The following IYD variants were observed in gnomAD, a reference collection of about 807,000 sequenced individuals.
IYD encodes iodotyrosine deiodinase 1.
In IYD, 25 loss-of-function variants were observed where a neutral mutation model predicts 28.4. The ratio of observed to expected loss-of-function variants is 0.88; its 90% CI spans 0.64 to 1.23. The LOEUF is 1.23. Ranked by LOEUF, IYD falls within the 50% of genes most tolerant of loss-of-function variation. The pLI is 0.00. For missense variants in IYD, 352 were observed against 357.9 expected (o/e 0.98, Z 0.13); for synonymous variants, 140 against 130.8 (o/e 1.07, Z -0.48).
At position 150,369,138 on chromosome 6, in the gene IYD, C is replaced by G. The variant is rs768765467; in HGVS notation, c.107C>G (p.Thr36Ser). 27 of 1,613,806 alleles carry G rather than the reference C, an allele frequency of 1.7e-5. No homozygotes were observed. The Middle Eastern group carries it at 6.6e-4, about 39-fold the overall frequency. Reference protein sequence around the residue: ...SMEKKKGEPRTRAEARPWVDE... With the variant: ...SMEKKKGEPRSRAEARPWVDE... ...GAGAAAAAGAAGGGGGAGCCTAGAA[C>G]CAGGGCCGAAGCTCGCCCCTGGGTG... is the stretch of plus-strand genomic sequence containing the variant. Residue 36 changes from threonine to serine, a missense_variant, in exon 1 of 5, where the codon ACC becomes AGC. Transcript: ENST00000344419.
At chr6:150,379,391 A>C (rs985936402) in intron 1 of IYD, among the ~76,000 whole-genome samples, 4 of 152,176 alleles carry the variant, frequency 2.6e-5, no homozygotes, top group Non-Finnish European at 2.9e-5. Context: ...TTGTCTGCTA[A>C]ATATACTTGA....
chr6:150,392,332 G>A lies in IYD; in HGVS notation c.371-13G>A. 2 of 1,612,658 alleles carry A rather than the reference G, an allele frequency of 1.2e-6. No individual in the cohort carries two copies. The highest frequency in any genetic ancestry group is 1.1e-5 in the South Asian group (1 of 91,000). On this transcript the variant is annotated splice_polypyrimidine_tract_variant and intron_variant, in intron 2 of 4. Coordinates refer to ENST00000344419, the MANE Select transcript of IYD (RefSeq NM_203395.3). ...GCAGTTTTAATTTCTGATTTTAATG[G>A]AATGGGTGACAGGAACAGCCCCGAG...
chr6:150,396,499 C>T (rs566407973), intron 4 of IYD: 169 of 698,956 alleles, frequency 2.4e-4, no homozygotes, highest in Non-Finnish European at 4.1e-4. Context: ...ATACAAAATT[C>T]AGTATGGAGT....
intron 1 of IYD, among the ~76,000 whole-genome samples, chr6:150,381,842 T>C (rs932192508): frequency 5.9e-5 from 9 of 152,244 alleles, no homozygotes; most frequent in African/African-American, 2.2e-4. Context: ...CACTATTGTA[T>C]AGTATTCTGT....
chr6:150,400,599 G>T lies in IYD; in HGVS notation c.*2362G>T, dbSNP rs1314728775. On this transcript the variant is annotated 3_prime_UTR_variant, in exon 5 of 5. Transcript: ENST00000344419. ...TGTGTATCATTCTACAAAAAAATAG[G>T]CCTGGACTATTTAAGGAGTGAGTGT... The T allele has an allele frequency of 6.6e-6, 1 of 152,096 alleles. No individual in the cohort carries two copies. Among genetic ancestry groups the T allele is most frequent in the Admixed American group, 6.6e-5 (1 of 15,264 alleles). The allele number at this position is 152,096 out of a possible 1,614,324, so 9.4% of individuals were successfully genotyped here. A position where few individuals can be genotyped will look rare whatever the true frequency, so the allele number is the denominator to read the frequency against.
intron 1 of IYD, among the ~76,000 whole-genome samples, chr6:150,387,280 G>C (rs1777901194): frequency 6.6e-6 from 1 of 151,902 alleles, no homozygotes; most frequent in South Asian, 2.1e-4. Context: ...ATTAAAAATA[G>C]TCAGGTGCAA....
At chr6:150,387,968 G>A (rs1330850264) in intron 1 of IYD, among the ~76,000 whole-genome samples, 1 of 151,816 alleles carries the variant, frequency 6.6e-6, no homozygotes, top group Non-Finnish European at 1.5e-5. Flanking sequence ...TCCAGTATTT[G>A]GAGTCTTTGG....
chr6:150,392,415 C>T lies in IYD; in HGVS notation c.441C>T (p.His147=). Residue 147 remains histidine (H), a synonymous_variant, in exon 3 of 5, where the codon CAC becomes CAT. Transcript: ENST00000344419. ...TTGTGAAGGACCCAGACGTGAAGCA[C>T]AAGATTCGAAAGATCATTGAGGAGG... ...FVVVKDPDVK[H]KIRKIIEEEE... 1.9e-6 allele frequency: 3 copies of T among 1,613,880 alleles called. No homozygotes were observed. Among genetic ancestry groups the T allele is most frequent in the Non-Finnish European group, 8.5e-7 (1 of 1,179,842 alleles).
Position 150,399,903 on chromosome 6 carries a change from T to C in IYD, c.*1666T>C, listed in dbSNP as rs1449423596. 1 of 152,178 alleles carries C rather than the reference T, an allele frequency of 6.6e-6. No homozygotes were observed. The highest frequency in any genetic ancestry group is 3.1e-3 in the Middle Eastern group (1 of 322). The allele number at this position is 152,178 out of a possible 1,614,324, so 9.4% of individuals were successfully genotyped here. A position where few individuals can be genotyped will look rare whatever the true frequency, so the allele number is the denominator to read the frequency against. ...AGGACCCCCTCCTAATACCATCACA[T>C]TGGGGGTTAGGGTTTCAACATATGA... is the stretch of plus-strand genomic sequence containing the variant. On this transcript the variant is annotated 3_prime_UTR_variant, in exon 5 of 5. Transcript: ENST00000344419.
rs1470566722 is a variant in IYD at position 150,405,293 on chromosome 6, G to C, written c.*7056G>C. ...ACTCTTACTCCCAGCTGCTTTCTCT[G>C]TCCCTCCACTTAGATGTTAGTAGGC... On this transcript the variant is annotated 3_prime_UTR_variant, in exon 5 of 5. Transcript: ENST00000344419. 6.6e-6 allele frequency: 1 copy of C among 152,128 alleles called. No individual in the cohort carries two copies. The highest frequency in any genetic ancestry group is 2.4e-5 in the African/African-American group (1 of 41,366). 9.4% of individuals were successfully genotyped at this position (152,128 alleles called of 1,614,324 possible).
At chr6:150,381,046 G>A (rs1777629436) in intron 1 of IYD, among the ~76,000 whole-genome samples, 1 of 152,258 alleles carries the variant, frequency 6.6e-6, no homozygotes, top group East Asian at 1.9e-4. Context: ...CCTGGTGAGG[G>A]GATGTGAGCA....
intron 1 of IYD, chr6:150,384,961 G>A (rs1340971334): frequency 6.6e-6 from 1 of 152,006 alleles, no homozygotes; most frequent in African/African-American, 2.4e-5. Context: ...TTTCTCCTCA[G>A]TTTTGGCATT....
intron 2 of IYD, 72 bp downstream of exon 2, chr6:150,389,615 G>A (rs1778035435): frequency 7.5e-7 from 1 of 1,342,176 alleles, no homozygotes; most frequent in South Asian, 1.2e-5. Context: ...ATGGAAAAAT[G>A]TCAAAGTTTA....
chr6:150,398,097 G>T lies in IYD; in HGVS notation c.730G>T (p.Gly244Cys). 1 of 1,614,152 alleles carries T rather than the reference G, an allele frequency of 6.2e-7. No individual in the cohort carries two copies. Among genetic ancestry groups the T allele is most frequent in the South Asian group, 1.1e-5 (1 of 91,074 alleles). The change falls in exon 5 of 5, where the codon GGC becomes TGC. Residue 244 changes from glycine (G) to cysteine (C), a missense_variant. Physicochemically the swap from Gly to Cys is radical, Grantham distance 159 (BLOSUM62 -3). Transcript: ENST00000344419. The part of the protein sequence containing the change: ...VTVTTTPLNC[G>C]PRLRVLLGRP... Reference sequence around the variant, plus strand: ...TGTCACTACCACTCCTCTCAACTGTGGCCCTCGACTGAGGGTGCTCCTGGG... The same window carrying T: ...TGTCACTACCACTCCTCTCAACTGTTGCCCTCGACTGAGGGTGCTCCTGGG...
chr6:150,371,416 A>T (rs189148423), intron 1 of IYD, among the ~76,000 whole-genome samples: 1 of 152,304 alleles, frequency 6.6e-6, no homozygotes, highest in Non-Finnish European at 1.5e-5. Flanking sequence ...GAGGCAGGAG[A>T]TAGCCAGCAG....
chr6:150,375,537 A>G (rs1277711911), intron 1 of IYD, among the ~76,000 whole-genome samples: 1 of 152,228 alleles, frequency 6.6e-6, no homozygotes, highest in Non-Finnish European at 1.5e-5. Flanking sequence ...CAGAAATTCT[A>G]TGCATAGGAA....
intron 1 of IYD, among the ~76,000 whole-genome samples, chr6:150,373,571 G>A (rs11969964): frequency 0.16 from 23,650 of 152,166 alleles, 3,681 homozygotes; most frequent in African/African-American, 0.39. Context: ...GGGATTAGCA[G>A]GAGCCAACTG....
intron 2 of IYD, among the ~76,000 whole-genome samples, chr6:150,390,594 A>G (rs1582794444): frequency 6.6e-6 from 1 of 152,124 alleles, no homozygotes; most frequent in African/African-American, 2.4e-5. Flanking sequence ...CAAGAACCCC[A>G]CCAAGAGTCT....
intron 1 of IYD, chr6:150,384,552 C>CTATTAT (rs899037485): frequency 5.3e-5 from 8 of 152,072 alleles, no homozygotes; most frequent in Admixed American, 6.6e-5. Flanking sequence ...CAAGGAATAT[C>CTATTAT]TATTATTATT....
Sources: allele counts gnomAD v4.1 joint callset (sites outside exome capture counted in the v4.1 genomes callset), GRCh38; gene constraint gnomAD v4.1.1; transcripts MANE v1.5; gene names NCBI Gene and HGNC (gene_info 2026-07-23, HGNC 2026-07-21).